TMPRSS11D: variants seen among roughly 807,000 people sequenced by gnomAD.
TMPRSS11D encodes the protein transmembrane protease serine 11D.
In TMPRSS11D, 32 loss-of-function variants were observed where a neutral mutation model predicts 44.4. The ratio of observed to expected loss-of-function variants is 0.72; its 90% confidence interval spans 0.54 to 0.97. The LOEUF is 0.97. TMPRSS11D is among the 50% of genes least tolerant of loss of function. The pLI is 0.00. For missense variants in TMPRSS11D, 446 were observed against 502.6 expected (o/e 0.89, Z 1.08); for synonymous variants, 179 against 177.9 (o/e 1.01, Z -0.05).
chr4:67,825,423 A>G (rs748823387), intron 9 of TMPRSS11D, among the ~76,000 whole-genome samples: 1 of 123,696 alleles, frequency 8.1e-6, no homozygotes, highest in Non-Finnish European at 1.7e-5. Context: ...GTTAGGTGCT[A>G]TTATGATTAT....
intron 1 of TMPRSS11D, 78 bp from the exon 2 acceptor site, chr4:67,859,756 C>T (rs986010342): frequency 1.5e-5 from 24 of 1,559,964 alleles, no homozygotes; most frequent in African/African-American, 1.1e-4. Context: ...TGATTGTCTT[C>T]TGTCTTTCCC....
chr4:67,867,115 T>C (rs1718944060), intron 1 of TMPRSS11D, among the ~76,000 whole-genome samples: 1 of 152,046 alleles, frequency 6.6e-6, no homozygotes, highest in South Asian at 2.1e-4. Flanking sequence ...AACAGCATCA[T>C]ACTGGCATAA....
chr4:67,868,095 A>AATATATATAT (rs923681603), intron 1 of TMPRSS11D, among the ~76,000 whole-genome samples: 36 of 150,898 alleles, frequency 2.4e-4, no homozygotes, highest in African/African-American at 8.9e-4. Context: ...TAGATAGAGA[A>AATATATATAT]ATATATATAT....
chr4:67,883,859 T>C, intron 1 of TMPRSS11D, 67 bp downstream of exon 1: 1 of 1,377,134 alleles, frequency 7.3e-7, no homozygotes, highest in Non-Finnish European at 9.9e-7. Flanking sequence ...TAAGCTTCTT[T>C]ATATTTTTCC....
At chr4:67,842,358 A>C (rs528799898) in intron 4 of TMPRSS11D, among the ~76,000 whole-genome samples, 200 bp downstream of exon 4, 5 of 152,298 alleles carry the variant, frequency 3.3e-5, no homozygotes, top group African/African-American at 1.2e-4. Context: ...GAATAGATAT[A>C]ATATGGTTAT....
chr4:67,874,704 G>A (rs373635996), intron 1 of TMPRSS11D, among the ~76,000 whole-genome samples: 15 of 152,214 alleles, frequency 9.9e-5, no homozygotes, highest in South Asian at 4.1e-4. Flanking sequence ...CTAAAGAAAG[G>A]AAGATGACAT....
intron 1 of TMPRSS11D, among the ~76,000 whole-genome samples, chr4:67,864,035 C>T (rs1254078415): frequency 6.6e-6 from 1 of 151,532 alleles, no homozygotes; most frequent in African/African-American, 2.4e-5. Flanking sequence ...GCTGTATAAA[C>T]TATAAAGGGC....
intron 3 of TMPRSS11D, among the ~76,000 whole-genome samples, chr4:67,850,350 G>A (rs1345786029): frequency 6.6e-6 from 1 of 152,182 alleles, no homozygotes; most frequent in African/African-American, 2.4e-5. Context: ...CTTCTCCTGT[G>A]AGAAATAAAT....
At chr4:67,835,313 C>T (rs1017962033) in intron 5 of TMPRSS11D, among the ~76,000 whole-genome samples, 192 bp from the exon 6 acceptor site, 1 of 152,068 alleles carries the variant, frequency 6.6e-6, no homozygotes, top group African/African-American at 2.4e-5. Context: ...ATGGGCCCTA[C>T]AAATCTCTTT....
chr4:67,859,438 A>G (rs977357070), intron 2 of TMPRSS11D, 119 bp downstream of exon 2: 8 of 1,116,270 alleles, frequency 7.2e-6, no homozygotes, highest in Non-Finnish European at 8.8e-6. Context: ...TATAAGTAAG[A>G]TATATAATCA....
In TMPRSS11D at chr4:67,827,469, A is replaced by C. The variant is rs1276635317; in HGVS notation, c.744T>G (p.Phe248Leu). The C allele has an allele frequency of 6.2e-7, 1 of 1,612,010 alleles. No individual in the cohort carries two copies. Among genetic ancestry groups the C allele is most frequent in the Non-Finnish European group, 8.5e-7 (1 of 1,179,024 alleles). ...TTCTTACTCTCATTCTTAGTTTAGGAAATGTTGTGGAAATACCAGACGTGG... is the reference window on the plus strand; with the variant it reads ...TTCTTACTCTCATTCTTAGTTTAGGCAATGTTGTGGAAATACCAGACGTGG... ...WIATSGISTT[F>L]PKLRMRVRNI... Residue 248 changes from phenylalanine (F) to leucine (L), a missense_variant, in exon 8 of 10, where the codon TTT becomes TTG. Phe to Leu is a conservative substitution (Grantham distance 22). Transcript: ENST00000283916.
intron 1 of TMPRSS11D, among the ~76,000 whole-genome samples, chr4:67,859,916 G>A (rs1157019009): frequency 3.9e-5 from 6 of 152,028 alleles, no homozygotes; most frequent in African/African-American, 1.4e-4. Flanking sequence ...TGGAAGAAGA[G>A]GGAAATCTGA....
At chr4:67,837,578 G>A (rs1413676819) in intron 5 of TMPRSS11D, among the ~76,000 whole-genome samples, 1 of 152,060 alleles carries the variant, frequency 6.6e-6, no homozygotes, top group Non-Finnish European at 1.5e-5. Context: ...CAACTTGGAG[G>A]AATGTCCTTA....
intron 1 of TMPRSS11D, among the ~76,000 whole-genome samples, chr4:67,883,049 A>G (rs1719358705): frequency 6.6e-6 from 1 of 151,940 alleles, no homozygotes; most frequent in Non-Finnish European, 1.5e-5. Context: ...ATATAACTGT[A>G]TATATATTTT....
At chr4:67,873,116 CA>C (rs1191063846) in intron 1 of TMPRSS11D, among the ~76,000 whole-genome samples, 1 of 152,148 alleles carries the variant, frequency 6.6e-6, no homozygotes, top group Non-Finnish European at 1.5e-5. Flanking sequence ...CTCAAGATGC[CA>C]AATGACAAAA....
intron 3 of TMPRSS11D, among the ~76,000 whole-genome samples, chr4:67,846,680 T>G (rs1479606004): frequency 2.0e-5 from 3 of 152,214 alleles, no homozygotes; most frequent in African/African-American, 7.2e-5. Context: ...TGAAAGGTGT[T>G]GTGTTTTATA....
At chr4:67,858,093 A>G (rs980515906) in intron 2 of TMPRSS11D, among the ~76,000 whole-genome samples, 4 of 152,226 alleles carry the variant, frequency 2.6e-5, no homozygotes, top group Admixed American at 6.5e-5. Flanking sequence ...ACATATCTGT[A>G]CACAACTCAG....
At chr4:67,844,834 A>T (rs1406623934) in intron 3 of TMPRSS11D, among the ~76,000 whole-genome samples, 1 of 152,176 alleles carries the variant, frequency 6.6e-6, no homozygotes, top group Non-Finnish European at 1.5e-5. Flanking sequence ...TATGATCTAG[A>T]ATTAACCATT....
At chr4:67,823,507 T>C (rs1337233001) in intron 9 of TMPRSS11D, among the ~76,000 whole-genome samples, 2 of 152,148 alleles carry the variant, frequency 1.3e-5, no homozygotes, top group East Asian at 1.9e-4. Context: ...TGTTTCCTCA[T>C]ATAATGTTTG....
Sources: gnomAD v4.1 joint callset for allele counts (sites outside exome capture counted in the v4.1 genomes callset) on GRCh38, gnomAD v4.1.1 for gene constraint, MANE v1.5 for transcripts, NCBI Gene and HGNC (gene_info 2026-07-23, HGNC 2026-07-21) for gene names.